Variants in GSE1 observed in about 807,000 individuals in gnomAD.
GSE1 encodes the protein Gse1 coiled-coil protein, also known as genetic suppressor element 1.
In GSE1, 32 loss-of-function variants were observed where a neutral mutation model predicts 112.6. That is an observed-to-expected ratio of 0.28 (90% CI 0.21 to 0.38). GSE1 has a LOEUF of 0.38. Ranked by LOEUF, GSE1 falls within the 10% of genes least tolerant of loss-of-function variation. The pLI is 1.00. For synonymous variants in GSE1, 1,115 were observed against 735.6 expected (o/e 1.52, Z -8.35); for missense variants, 2,348 against 1,699.2 (o/e 1.38, Z -6.71).
At position 85,513,501 on chromosome 16, in the gene GSE1, G is replaced by A. The variant is rs143317611; in HGVS notation, c.2465-120413G>A. Among the ~76,000 whole-genome samples, 667 of 152,088 alleles carry A rather than the reference G, an allele frequency of 4.4e-3. 3 individuals carry two copies. Among genetic ancestry groups the A allele is most frequent in the African/African-American group, 0.016 (643 of 41,478 alleles). On this transcript the variant is annotated intron_variant, in intron 2 of 2. Transcript: ENST00000637419. ...GCAGGCTACCCCCCTCACCGCTCAC[G>A]CACCCAACGTCCTCTCTTCTCTTCC...
chr16:85,645,311 C>T lies in GSE1; in HGVS notation c.227-3241C>T, dbSNP rs566420250. Among the ~76,000 whole-genome samples the T allele has an allele frequency of 5.9e-5, 9 of 151,978 alleles. No homozygotes were observed. The South Asian group carries it at 8.3e-4, about 14-fold the overall frequency. On this transcript the variant is annotated intron_variant, in intron 2 of 15. Coordinates refer to ENST00000253458, the MANE Select transcript of GSE1 (RefSeq NM_014615.5). Reference sequence around the variant, plus strand: ...GGTGGGGGCCTTGCCTTGGGCAGTTCGGGGGTTGCTGGGGAGAATGTGAAC... The same window carrying T: ...GGTGGGGGCCTTGCCTTGGGCAGTTTGGGGGTTGCTGGGGAGAATGTGAAC...
chr16:85,328,883 G>GCA (rs2046281040), intron 1 of GSE1, among the ~76,000 whole-genome samples: 1 of 152,172 alleles, frequency 6.6e-6, no homozygotes, highest in Admixed American at 6.5e-5. Context: ...CCTTCCAGCT[G>GCA]CACCCCTGCC....
chr16:85,556,483 G>C (rs2045218869), intron 1 of GSE1: 1 of 229,804 alleles, frequency 4.4e-6, no homozygotes, highest in Admixed American at 6.6e-5. Context: ...GTCCGCCGGT[G>C]CCCCCCGCAG....
chr16:85,638,499 G>A lies in GSE1; in HGVS notation c.226+4367G>A, dbSNP rs1014309421. ...ACTTTCCTTCCTTGCTGTGTGATCCGGGCAGGCCGCTTTGCCTCTCTGAGC... is the reference window on the plus strand; with the variant it reads ...ACTTTCCTTCCTTGCTGTGTGATCCAGGCAGGCCGCTTTGCCTCTCTGAGC... On this transcript the variant is annotated intron_variant, in intron 2 of 15. Coordinates refer to ENST00000253458, the MANE Select transcript of GSE1 (RefSeq NM_014615.5). Among the ~76,000 whole-genome samples the A allele has an allele frequency of 2.6e-5, 4 of 152,300 alleles. No individual in the cohort carries two copies. In the South Asian group the frequency reaches 6.2e-4, roughly 24 times the overall value.
chr16:85,607,090 G>T (rs1346228374), upstream of GSE1, among the ~76,000 whole-genome samples: 1 of 149,732 alleles, frequency 6.7e-6, no homozygotes, highest in East Asian at 2.0e-4. Flanking sequence ...GGAGGAGGGG[G>T]AGGGGAGCTG....
rs904817254 is a variant in GSE1, at chr16:85,221,316, A to G, written c.2283+49509A>G. Among the ~76,000 whole-genome samples the G allele has an allele frequency of 5.1e-4, 73 of 142,812 alleles. No individual in the cohort carries two copies. In the South Asian group the frequency reaches 6.6e-3, roughly 13 times the overall value. 93.7% of individuals were successfully genotyped at this position (142,812 alleles called of 152,430 possible). On this transcript the variant is annotated intron_variant, in intron 1 of 2. Coordinates refer to the GSE1 transcript ENST00000637419. ...TGGTTCACACTTCCCTAGCGCGCAC[A>G]CACACACACACACACACACCCCAAG...
intron 2 of GSE1, among the ~76,000 whole-genome samples, chr16:85,418,687 G>A (rs2048758577): frequency 6.6e-6 from 1 of 152,130 alleles, no homozygotes; most frequent in Non-Finnish European, 1.5e-5. Flanking sequence ...GTCCTTCCAA[G>A]GTACTGATGC....
chr16:85,297,345 C>T lies in GSE1; in HGVS notation c.2284-60118C>T, dbSNP rs145799654. Among the ~76,000 whole-genome samples, 260 of 150,308 alleles carry T rather than the reference C, an allele frequency of 1.7e-3. 2 individuals carry two copies. The highest frequency in any genetic ancestry group is 5.0e-3 in the African/African-American group (200 of 39,632). On this transcript the variant is annotated intron_variant, in intron 1 of 2. Coordinates refer to the GSE1 transcript ENST00000637419. ...AAGGGTAGGGGCAGCAGACGAACTCCAGAGATAGGAACCTTCTTAGCCAGA... is the reference window on the plus strand; with the variant it reads ...AAGGGTAGGGGCAGCAGACGAACTCTAGAGATAGGAACCTTCTTAGCCAGA...
chr16:85,300,925 G>A (rs1019290258), intron 1 of GSE1, among the ~76,000 whole-genome samples: 2 of 152,184 alleles, frequency 1.3e-5, no homozygotes, highest in Non-Finnish European at 2.9e-5. Context: ...GGGGAGTGGG[G>A]ACTGGGGGCT....
intron 2 of GSE1, among the ~76,000 whole-genome samples, chr16:85,529,003 G>A (rs1300695840): frequency 2.0e-5 from 3 of 152,164 alleles, no homozygotes; most frequent in Non-Finnish European, 4.4e-5. Context: ...GCCATGGAGG[G>A]TTCTGGGCAG....
At chr16:85,340,157 G>A (rs1376284482) in intron 1 of GSE1, among the ~76,000 whole-genome samples, 1 of 152,154 alleles carries the variant, frequency 6.6e-6, no homozygotes, top group Non-Finnish European at 1.5e-5. Context: ...AGACCAGCCT[G>A]GGCAACACAG....
At chr16:85,285,060 A>C (rs886106236) in intron 1 of GSE1, 1 of 152,262 alleles carries the variant, frequency 6.6e-6, no homozygotes, top group Non-Finnish European at 1.5e-5. Flanking sequence ...GGCGATTTGC[A>C]TCGTTTCAAA....
At chr16:85,638,574 G>T (rs1164283701) in intron 2 of GSE1, among the ~76,000 whole-genome samples, 1 of 152,172 alleles carries the variant, frequency 6.6e-6, no homozygotes, top group Admixed American at 6.5e-5. Context: ...TGAATCGTGG[G>T]GACTGGGTGG....
In GSE1 at chr16:85,658,560, C is replaced by A. The variant is rs533160903; in HGVS notation, c.1640+956C>A. On this transcript the variant is annotated intron_variant, in intron 8 of 15. Transcript: ENST00000253458. The stretch of plus-strand genomic sequence containing the variant: ...TGCCTGCCTCCGTTATCCAGTAGGG[C>A]AGCGAGGGAATGCGCCCCCGCTGAT... 2.6e-5 allele frequency among the ~76,000 whole-genome samples: 4 copies of A among 152,332 alleles called. No homozygotes were observed. In the South Asian group the frequency reaches 6.2e-4, roughly 24 times the overall value.
chr16:85,196,752 G>C (rs1349568766), intron 1 of GSE1, among the ~76,000 whole-genome samples: 3 of 152,154 alleles, frequency 2.0e-5, no homozygotes, highest in Non-Finnish European at 4.4e-5. Flanking sequence ...AGTCCCATTA[G>C]GCCCTGTGTT....
intron 6 of GSE1, 61 bp downstream of exon 6, chr16:85,655,978 C>A: frequency 7.2e-7 from 1 of 1,389,940 alleles, no homozygotes; most frequent in Non-Finnish European, 9.8e-7. Flanking sequence ...GGCAGCTGGG[C>A]AGAAAGCCTG....
chr16:85,634,691 G>A (rs1184607179), intron 2 of GSE1, among the ~76,000 whole-genome samples: 3 of 152,294 alleles, frequency 2.0e-5, no homozygotes, highest in East Asian at 3.9e-4. Flanking sequence ...CTTGGCTTCT[G>A]GTATCACCTG....
rs140300909 is a variant in GSE1 at position 85,432,000 on chromosome 16, G to A, written c.2464+74357G>A. ...GGCATGGGCGCCTGGTGGAATCCTC[G>A]CCGCCTGGGCGAGTGCTGGGACGCA... On this transcript the variant is annotated intron_variant, in intron 2 of 2. Coordinates refer to the GSE1 transcript ENST00000637419. Among the ~76,000 whole-genome samples, 1,020 of 152,316 alleles carry A rather than the reference G, an allele frequency of 6.7e-3. 9 individuals are homozygous for A. The highest frequency in any genetic ancestry group is 0.011 in the Non-Finnish European group (772 of 68,024).
intron 1 of GSE1, among the ~76,000 whole-genome samples, chr16:85,313,022 A>G (rs2045895753): frequency 1.3e-5 from 2 of 152,054 alleles, no homozygotes; most frequent in South Asian, 2.1e-4. Flanking sequence ...CTGGGAGAGG[A>G]GGAGGAGCCA....
Sources: allele counts gnomAD v4.1 joint callset (sites outside exome capture counted in the v4.1 genomes callset), GRCh38; gene constraint gnomAD v4.1.1; transcripts MANE v1.5; gene names NCBI Gene and HGNC (gene_info 2026-07-23, HGNC 2026-07-21).